Variants in RAI14 observed in about 807,000 individuals in gnomAD.
RAI14 encodes retinoic acid induced 14, also known as ankycorbin.
RAI14 carries 45 observed loss-of-function variants against 115.4 expected under a neutral mutation model. That is an observed-to-expected ratio of 0.39 (90% CI 0.31 to 0.50). RAI14 has a LOEUF of 0.50. Ranked by LOEUF, RAI14 falls within the 20% of genes least tolerant of loss-of-function variation. The pLI is 0.85. For missense variants in RAI14, 939 were observed against 1,131.2 expected, an observed-to-expected ratio of 0.83 and a Z score of 2.44; for synonymous variants, 371 against 415.4, an observed-to-expected ratio of 0.89 and a Z score of 1.30.
At chr5:34,816,999 G>A (rs1427293580) in intron 12 of RAI14, among the ~76,000 whole-genome samples, 1 of 151,984 alleles carries the variant, frequency 6.6e-6, no homozygotes, top group Non-Finnish European at 1.5e-5. Context: ...GGCCAGGCTC[G>A]GTGGCTCACA....
intron 2 of RAI14, among the ~76,000 whole-genome samples, chr5:34,692,553 A>C (rs558802662): frequency 1.3e-5 from 2 of 152,114 alleles, no homozygotes; most frequent in African/African-American, 2.4e-5. Flanking sequence ...AAAATAAAAT[A>C]AAATCCAAGT....
intron 15 of RAI14, 86 bp downstream of exon 15, chr5:34,824,577 G>GCCAA: frequency 9.2e-7 from 1 of 1,092,664 alleles, no homozygotes; most frequent in Non-Finnish European, 1.3e-6. Context: ...TCTAGTGTTG[G>GCCAA]CACTAAACTG....
intron 3 of RAI14, among the ~76,000 whole-genome samples, chr5:34,794,816 T>C (rs1753318117): frequency 6.6e-6 from 1 of 152,232 alleles, no homozygotes; most frequent in South Asian, 2.1e-4. Flanking sequence ...TCAGACCAAC[T>C]TGGGTTTAAA....
chr5:34,750,236 G>A (rs1746804680), intron 2 of RAI14, among the ~76,000 whole-genome samples: 1 of 152,120 alleles, frequency 6.6e-6, no homozygotes, highest in African/African-American at 2.4e-5. Flanking sequence ...GATGGAACTG[G>A]AATTTCAACT....
At chr5:34,731,054 C>G (rs1385605243) in intron 2 of RAI14, among the ~76,000 whole-genome samples, 1 of 152,102 alleles carries the variant, frequency 6.6e-6, no homozygotes, top group African/African-American at 2.4e-5. Context: ...ATAAGGCTAC[C>G]TTTGATGTAT....
intron 3 of RAI14, among the ~76,000 whole-genome samples, chr5:34,778,118 A>G (rs945744667): frequency 9.2e-5 from 14 of 152,240 alleles, no homozygotes; most frequent in African/African-American, 3.4e-4. Flanking sequence ...GTACTCCATA[A>G]TAAGTAAAAT....
chr5:34,779,392 G>A (rs1049852412), intron 3 of RAI14, among the ~76,000 whole-genome samples: 4 of 152,282 alleles, frequency 2.6e-5, no homozygotes, highest in African/African-American at 7.2e-5. Flanking sequence ...GCAGGAGAAA[G>A]AAATAAAAGG....
chr5:34,828,238 G>A (rs1386408176), intron 16 of RAI14, among the ~76,000 whole-genome samples: 2 of 152,174 alleles, frequency 1.3e-5, no homozygotes, highest in Non-Finnish European at 2.9e-5. Context: ...GATGCTTTCA[G>A]TTGAGATTTC....
chr5:34,678,365 C>T (rs112970778), intron 1 of RAI14, among the ~76,000 whole-genome samples: 23 of 152,232 alleles, frequency 1.5e-4, no homozygotes, highest in African/African-American at 5.1e-4. Context: ...GGGAATGTTA[C>T]GGACTGAATT....
chr5:34,696,266 T>C (rs1315667264), intron 2 of RAI14, among the ~76,000 whole-genome samples: 1 of 152,042 alleles, frequency 6.6e-6, no homozygotes, highest in Non-Finnish European at 1.5e-5. Flanking sequence ...AGCCTCTGAG[T>C]AGCTGGGACT....
chr5:34,748,575 G>C (rs530947672), intron 2 of RAI14, among the ~76,000 whole-genome samples: 2 of 152,248 alleles, frequency 1.3e-5, no homozygotes, highest in African/African-American at 4.8e-5. Flanking sequence ...GTCTTTCCTT[G>C]CTAGTGTGTC....
chr5:34,721,295 A>G (rs1443415577), intron 2 of RAI14, among the ~76,000 whole-genome samples: 6 of 27,828 alleles, frequency 2.2e-4, no homozygotes, highest in East Asian at 2.9e-4. Flanking sequence ...AGATGTGTAT[A>G]TATATATATA....
chr5:34,778,009 A>ACC, intron 3 of RAI14, among the ~76,000 whole-genome samples: 1 of 152,206 alleles, frequency 6.6e-6, no homozygotes, highest in Non-Finnish European at 1.5e-5. Context: ...GAGGACTTTA[A>ACC]ATGTTACCCA....
At chr5:34,736,869 A>G (rs1037356988) in intron 2 of RAI14, among the ~76,000 whole-genome samples, 3 of 152,216 alleles carry the variant, frequency 2.0e-5, no homozygotes, top group Admixed American at 6.5e-5. Context: ...GTAATTCAGG[A>G]ATCCCCAGTC....
chr5:34,783,964 A>G (rs1451407912), intron 3 of RAI14, among the ~76,000 whole-genome samples: 1 of 152,224 alleles, frequency 6.6e-6, no homozygotes, highest in Non-Finnish European at 1.5e-5. Flanking sequence ...CCACACATAC[A>G]TGTACATAAG....
At chr5:34,697,439 A>G (rs1739403270) in intron 2 of RAI14, among the ~76,000 whole-genome samples, 1 of 151,386 alleles carries the variant, frequency 6.6e-6, no homozygotes, top group Non-Finnish European at 1.5e-5. Flanking sequence ...TCTGTCTCAA[A>G]AAAAAAAAAG....
chr5:34,752,749 G>GTGTGTATATATATA, intron 2 of RAI14, among the ~76,000 whole-genome samples: 1 of 107,058 alleles, frequency 9.3e-6, no homozygotes, highest in African/African-American at 3.8e-5. Context: ...GTGTGTGTGT[G>GTGTGTATATATATA]TATATATATA....
chr5:34,701,859 T>C (rs1740120195), intron 2 of RAI14, among the ~76,000 whole-genome samples: 1 of 151,956 alleles, frequency 6.6e-6, no homozygotes, highest in South Asian at 2.1e-4. Context: ...TTGCCCAGCA[T>C]GGAGTGCAAT....
intron 5 of RAI14, among the ~76,000 whole-genome samples, chr5:34,807,075 TGTC>T (rs1754991906): frequency 6.6e-6 from 1 of 152,180 alleles, no homozygotes; most frequent in South Asian, 2.1e-4. Flanking sequence ...CACTTATTGT[TGTC>T]ACTGTTAGGA....
Sources: allele counts gnomAD v4.1 joint callset (sites outside exome capture counted in the v4.1 genomes callset), GRCh38; gene constraint gnomAD v4.1.1; transcripts MANE v1.5; gene names NCBI Gene and HGNC (gene_info 2026-07-23, HGNC 2026-07-21).